SLC7A8: variants seen among roughly 807,000 people sequenced by gnomAD.
SLC7A8 encodes large neutral amino acids transporter small subunit 2.
SLC7A8 carries 30 observed loss-of-function variants against 51.2 expected under a neutral mutation model. That is an observed-to-expected ratio of 0.59 (90% CI 0.44 to 0.80). SLC7A8 has a LOEUF of 0.80. Among genes scored for constraint, SLC7A8 ranks in the 30% least tolerant of loss-of-function variants. SLC7A8 has a pLI of 0.00. For missense variants in SLC7A8, 612 were observed against 674.4 expected (o/e 0.91, Z 1.03); for synonymous variants, 257 against 275.8 (o/e 0.93, Z 0.67).
At chr14:23,180,397 A>C (rs1877121777) in intron 1 of SLC7A8, among the ~76,000 whole-genome samples, 1 of 152,222 alleles carries the variant, frequency 6.6e-6, no homozygotes, top group Non-Finnish European at 1.5e-5. Context: ...ACTCAACAGC[A>C]ACTCGGGAGG....
Position 23,141,606 on chromosome 14 carries a change from T to C in SLC7A8, c.635-982A>G, listed in dbSNP as rs141169524. Among the ~76,000 whole-genome samples, 626 of 85,994 alleles carry C rather than the reference T, an allele frequency of 7.3e-3. 5 individuals carry two copies. Among genetic ancestry groups the C allele is most frequent in the African/African-American group, 0.017 (603 of 34,618 alleles). 56.4% of individuals were successfully genotyped at this position (85,994 alleles called of 152,430 possible). On this transcript the variant is annotated intron_variant, in intron 4 of 10. Coordinates refer to ENST00000316902, the MANE Select transcript of SLC7A8 (RefSeq NM_012244.4). ...CTGGAGTTACAGGCATATGCCACCA[T>C]GCCTGGCTAATTTTTTTTTGTATTT...
rs866800401 is a variant in SLC7A8, at chr14:23,137,032, G to A, written c.1016+889C>T. Among the ~76,000 whole-genome samples, 16 of 152,304 alleles carry A rather than the reference G, an allele frequency of 1.1e-4. No individual in the cohort carries two copies. In the Middle Eastern group the frequency reaches 0.01, roughly 97 times the overall value. On this transcript the variant is annotated intron_variant, in intron 7 of 10. Transcript: ENST00000316902. The stretch of plus-strand genomic sequence containing the variant: ...CGGCTTTGGAAGCAGCTGAACTCAC[G>A]GACTCATCTTTGGAGCAGGACTGTA...
At position 23,143,258 on chromosome 14, in the gene SLC7A8, T is replaced by G. The variant is rs556818007; in HGVS notation, c.509-54A>C. 13 of 1,603,734 alleles carry G rather than the reference T, an allele frequency of 8.1e-6. No individual in the cohort carries two copies. In the East Asian group the frequency reaches 2.9e-4, roughly 36 times the overall value. ...TCAGGGGCTGTATCTGGCTGCATGA[T>G]GCCCAAGGCACACAAGCAGAACTGC... On this transcript the variant is annotated intron_variant, in intron 3 of 10. Transcript: ENST00000316902.
intron 3 of SLC7A8, chr14:23,146,813 A>G (rs1201831964): frequency 2.0e-5 from 3 of 152,150 alleles, no homozygotes; most frequent in Non-Finnish European, 2.9e-5. Flanking sequence ...ACCACAAGAC[A>G]GCTTCCCTCA....
chr14:23,180,148 C>G (rs182646528), intron 1 of SLC7A8, among the ~76,000 whole-genome samples: 1 of 152,142 alleles, frequency 6.6e-6, no homozygotes, highest in African/African-American at 2.4e-5. Flanking sequence ...CCTCGTGATC[C>G]GCCCGCCTTG....
At chr14:23,133,106 A>T (rs79263189) in intron 7 of SLC7A8, among the ~76,000 whole-genome samples, 2,960 of 152,282 alleles carry the variant, frequency 0.019, 108 homozygotes, top group African/African-American at 0.068. Context: ...AATTGTACTT[A>T]AAAATTTATA....
chr14:23,131,631 A>G (rs995921603), intron 7 of SLC7A8, 74 bp from the exon 8 acceptor site: 44 of 1,217,824 alleles, frequency 3.6e-5, no homozygotes, highest in Non-Finnish European at 4.8e-5. Flanking sequence ...ATCCTTGCCT[A>G]CCTTCTGCCC....
rs772982963 is a variant in SLC7A8 at position 23,137,987 on chromosome 14, AT to A, written c.949del (p.Ile317SerfsTer40). On this transcript the variant is annotated frameshift_variant, in exon 7 of 11. Coordinates refer to ENST00000316902, the MANE Select transcript of SLC7A8 (RefSeq NM_012244.4). LOFTEE classifies it high-confidence loss of function. ...GEKLLGVMAW[I>X]MPISVALSTF... ...GGACAGGGCAACAGAAATGGGCATG[AT>A]CCAGGCCATGACTCCTAGGAGCTTC... is the stretch of plus-strand genomic sequence containing the variant. The A allele has an allele frequency of 6.2e-7, 1 of 1,614,054 alleles. No homozygotes were observed. The highest frequency in any genetic ancestry group is 8.5e-7 in the Non-Finnish European group (1 of 1,180,002).
At chr14:23,160,443 C>T (rs983358723) in intron 3 of SLC7A8, among the ~76,000 whole-genome samples, 4 of 151,924 alleles carry the variant, frequency 2.6e-5, no homozygotes, top group African/African-American at 7.2e-5. Flanking sequence ...TGGTGGCGGG[C>T]GCCTATAGTC....
chr14:23,181,148 C>T (rs995891705), intron 1 of SLC7A8, among the ~76,000 whole-genome samples: 1 of 150,794 alleles, frequency 6.6e-6, no homozygotes, highest in Non-Finnish European at 1.5e-5. Flanking sequence ...TCAGAACCTT[C>T]CTAGAGGGGG....
At chr14:23,171,100 T>C (rs769435790) in intron 1 of SLC7A8, among the ~76,000 whole-genome samples, 1 of 152,184 alleles carries the variant, frequency 6.6e-6, no homozygotes, top group Non-Finnish European at 1.5e-5. Context: ...TGTTTTAGCT[T>C]AGACTCATTG....
chr14:23,150,118 G>C (rs1230628752), intron 3 of SLC7A8, among the ~76,000 whole-genome samples: 2 of 152,132 alleles, frequency 1.3e-5, no homozygotes, highest in Non-Finnish European at 2.9e-5. Context: ...AATTTCTTTA[G>C]TGCCTTTTGA....
chr14:23,141,773 C>T (rs1313731899), intron 4 of SLC7A8, among the ~76,000 whole-genome samples: 2 of 152,164 alleles, frequency 1.3e-5, no homozygotes, highest in Non-Finnish European at 1.5e-5. Context: ...TTCAAGATTC[C>T]CCAAGGACAG....
At chr14:23,167,361 A>T (rs958108067) in intron 1 of SLC7A8, among the ~76,000 whole-genome samples, 15 of 152,188 alleles carry the variant, frequency 9.9e-5, no homozygotes, top group African/African-American at 3.1e-4. Context: ...TTACAAACTA[A>T]GAGATTAAGA....
At chr14:23,174,586 G>A (rs1377241158) in intron 1 of SLC7A8, among the ~76,000 whole-genome samples, 2 of 152,234 alleles carry the variant, frequency 1.3e-5, no homozygotes, top group Non-Finnish European at 2.9e-5. Context: ...AAATAGACTT[G>A]AGGGATTATT....
intron 7 of SLC7A8, among the ~76,000 whole-genome samples, chr14:23,135,770 G>C (rs59903751): frequency 6.6e-6 from 1 of 152,090 alleles, no homozygotes; most frequent in Admixed American, 6.5e-5. Context: ...CAATATTGAA[G>C]GAGATGGGAT....
chr14:23,158,580 G>A (rs1447721645), intron 3 of SLC7A8, among the ~76,000 whole-genome samples: 4 of 152,164 alleles, frequency 2.6e-5, no homozygotes, highest in African/African-American at 4.8e-5. Context: ...TCCTGACCTC[G>A]TGATCCACCC....
chr14:23,166,504 T>C lies in SLC7A8; in HGVS notation c.188A>G (p.Lys63Arg), dbSNP rs752692478. ...AGAACCAGCATTCTCCAGCACTCCC[T>C]TTGGCGAGACAAAGATTCCAGAGCC... ...IIGSGIFVSP[K>R]GVLENAGSVG... The change falls in exon 2 of 11, where the codon AAG becomes AGG. Residue 63 changes from lysine (K) to arginine (R), a missense_variant. By Grantham distance (26) the Lys-to-Arg change is conservative. Coordinates refer to ENST00000316902, the MANE Select transcript of SLC7A8 (RefSeq NM_012244.4). 3 of 1,613,986 alleles carry C rather than the reference T, an allele frequency of 1.9e-6. No homozygotes were observed. Among genetic ancestry groups the C allele is most frequent in the Non-Finnish European group, 2.5e-6 (3 of 1,179,992 alleles).
chr14:23,143,480 G>C (rs1040572460), intron 3 of SLC7A8, among the ~76,000 whole-genome samples: 8 of 152,178 alleles, frequency 5.3e-5, no homozygotes, highest in African/African-American at 1.4e-4. Context: ...TGGCTTTGGG[G>C]GTAAAATCAC....
Sources: allele counts gnomAD v4.1 joint callset (sites outside exome capture counted in the v4.1 genomes callset), GRCh38; gene constraint gnomAD v4.1.1; transcripts MANE v1.5; gene names NCBI Gene and HGNC (gene_info 2026-07-23, HGNC 2026-07-21).